The following ALDH1A1 variants were observed in gnomAD, a reference collection of about 807,000 sequenced individuals.
ALDH1A1 encodes the protein aldehyde dehydrogenase 1A1.
ALDH1A1 carries 19 observed loss-of-function variants against 62.1 expected under a neutral mutation model. The observed-to-expected ratio is 0.31, with a 90% confidence interval of 0.21 to 0.45. ALDH1A1 has a LOEUF of 0.45. ALDH1A1 is among the 20% of genes least tolerant of loss of function. The probability of loss-of-function intolerance (pLI) is 1.00; values close to 1 mark genes in which losing one functional copy is unlikely to be tolerated. For synonymous variants in ALDH1A1, 231 were observed against 215.9 expected, an observed-to-expected ratio of 1.07 and a Z score of -0.61; for missense variants, 521 against 607.1, an observed-to-expected ratio of 0.86 and a Z score of 1.49.
At chr9:72,915,069 A>G (rs1356383579) in intron 9 of ALDH1A1, among the ~76,000 whole-genome samples, 1 of 152,096 alleles carries the variant, frequency 6.6e-6, no homozygotes, top group African/African-American at 2.4e-5. Flanking sequence ...ATACCTACTT[A>G]TCCTACTGAC....
intron 1 of ALDH1A1, among the ~76,000 whole-genome samples, chr9:72,952,686 C>G (rs1019081925): frequency 2.2e-4 from 34 of 151,860 alleles, no homozygotes; most frequent in Admixed American, 1.4e-3. Flanking sequence ...GTATAAGAAT[C>G]CTTTCACACA....
chr9:72,929,798 T>C (rs1441283398), intron 3 of ALDH1A1, among the ~76,000 whole-genome samples: 1 of 152,208 alleles, frequency 6.6e-6, no homozygotes, highest in African/African-American at 2.4e-5. Flanking sequence ...TGTCAAAATT[T>C]AACCAAATGT....
At chr9:72,917,171 A>T in intron 8 of ALDH1A1, 67 bp from the exon 9 acceptor site, 2 of 1,212,300 alleles carry the variant, frequency 1.6e-6, no homozygotes, top group Non-Finnish European at 2.1e-6. Context: ...TGTTTCTCAG[A>T]GGCAACATGG....
At chr9:72,916,668 T>C (rs560590733) in intron 9 of ALDH1A1, among the ~76,000 whole-genome samples, 73 of 152,318 alleles carry the variant, frequency 4.8e-4, no homozygotes, top group African/African-American at 1.7e-3. Flanking sequence ...GAACATTTGT[T>C]ATTTTTCCTC....
chr9:72,937,918 G>A (rs1247464570), intron 2 of ALDH1A1, among the ~76,000 whole-genome samples: 2 of 152,092 alleles, frequency 1.3e-5, no homozygotes, highest in Admixed American at 6.5e-5. Flanking sequence ...TTCTCAAATT[G>A]TTAACCCCTA....
chr9:72,946,290 A>T (rs764373149), intron 1 of ALDH1A1, among the ~76,000 whole-genome samples: 1 of 152,008 alleles, frequency 6.6e-6, no homozygotes, highest in Non-Finnish European at 1.5e-5. Context: ...CATCTAAAAA[A>T]GTATCGATAG....
chr9:72,927,536 T>C (rs1830227294), intron 4 of ALDH1A1, among the ~76,000 whole-genome samples: 3 of 152,188 alleles, frequency 2.0e-5, no homozygotes, highest in Non-Finnish European at 2.9e-5. Flanking sequence ...GAGGCCTGAT[T>C]TGAAAATTAT....
intron 1 of ALDH1A1, among the ~76,000 whole-genome samples, chr9:72,944,463 C>A (rs73490319): frequency 0.023 from 3,493 of 152,152 alleles, 67 homozygotes; most frequent in South Asian, 0.064. Context: ...TTCATAGGGC[C>A]TACCTCAAAT....
intron 11 of ALDH1A1, among the ~76,000 whole-genome samples, chr9:72,908,302 G>C (rs1270798846): frequency 6.6e-6 from 1 of 151,204 alleles, no homozygotes; most frequent in Non-Finnish European, 1.5e-5. Flanking sequence ...GGGCTTGGTG[G>C]TACATGCCTG....
intron 3 of ALDH1A1, 58 bp from the exon 4 acceptor site, chr9:72,929,079 G>A (rs1478713294): frequency 5.8e-6 from 9 of 1,549,386 alleles, no homozygotes; most frequent in East Asian, 2.3e-5. Flanking sequence ...TTAAAAATAT[G>A]TAGTAAATAT....
Position 72,925,533 on chromosome 9 carries a change from G to C in ALDH1A1, c.584C>G (p.Ala195Gly). Reference sequence around the variant, plus strand: ...GAGAGCAGTGAGAGGAGTTTGCTCTGCTGGTTTGACAACCACTGTGTTTCC... The same window carrying C: ...GAGAGCAGTGAGAGGAGTTTGCTCTCCTGGTTTGACAACCACTGTGTTTCC... ...SCGNTVVVKP[A>G]EQTPLTALHV... The change falls in exon 6 of 13, where the codon GCA becomes GGA. Residue 195 changes from alanine (A) to glycine (G), a missense_variant. Transcript: ENST00000297785. The C allele has an allele frequency of 6.2e-7, 1 of 1,613,980 alleles. No homozygotes were observed. Among genetic ancestry groups the C allele is most frequent in the Non-Finnish European group, 8.5e-7 (1 of 1,179,882 alleles).
At chr9:72,905,097 G>C (rs1829861286) in intron 12 of ALDH1A1, among the ~76,000 whole-genome samples, 1 of 152,072 alleles carries the variant, frequency 6.6e-6, no homozygotes, top group Admixed American at 6.6e-5. Context: ...ATTGAGAAAG[G>C]CACATTTTCA....
At chr9:72,929,774 T>C (rs947357095) in intron 3 of ALDH1A1, among the ~76,000 whole-genome samples, 2 of 152,212 alleles carry the variant, frequency 1.3e-5, no homozygotes, top group South Asian at 2.1e-4. Context: ...GTTTCTGTAC[T>C]ACACTCTCTA....
intron 7 of ALDH1A1, among the ~76,000 whole-genome samples, chr9:72,923,013 G>C (rs191127603): frequency 6.6e-6 from 1 of 151,992 alleles, no homozygotes; most frequent in South Asian, 2.1e-4. Flanking sequence ...CTTTATTCTG[G>C]AGTAAATAAT....
At chr9:72,908,229 G>T (rs1386540640) in intron 11 of ALDH1A1, among the ~76,000 whole-genome samples, 1 of 151,674 alleles carries the variant, frequency 6.6e-6, no homozygotes, top group Non-Finnish European at 1.5e-5. Flanking sequence ...AGACCAGTCC[G>T]GCCAACATGG....
intron 4 of ALDH1A1, 82 bp from the exon 5 acceptor site, chr9:72,927,259 G>A (rs545569164): frequency 2.0e-6 from 2 of 998,476 alleles, no homozygotes; most frequent in Admixed American, 2.2e-5. Context: ...GTGAGAGAAA[G>A]GTGTAGACAA....
At chr9:72,922,345 G>C (rs1271888270) in intron 7 of ALDH1A1, among the ~76,000 whole-genome samples, 3 of 152,140 alleles carry the variant, frequency 2.0e-5, no homozygotes, top group African/African-American at 7.2e-5. Flanking sequence ...ATATTTTCTA[G>C]ACTTTTAATC....
At chr9:72,903,726 T>C (rs570235840) in intron 12 of ALDH1A1, among the ~76,000 whole-genome samples, 74 of 152,108 alleles carry the variant, frequency 4.9e-4, no homozygotes, top group Non-Finnish European at 8.5e-4. Flanking sequence ...CCTTCTCTTA[T>C]TTGATTTCTT....
chr9:72,909,901 A>G lies in ALDH1A1; in HGVS notation c.1201-142T>C, dbSNP rs1433654059. ...TCTCAAACCTATGTGTGAGAATCCAAATAGGTAACTGCAAAAATGGTAGGT... is the reference window on the plus strand; with the variant it reads ...TCTCAAACCTATGTGTGAGAATCCAGATAGGTAACTGCAAAAATGGTAGGT... On this transcript the variant is annotated intron_variant, in intron 10 of 12. Transcript: ENST00000297785. 5 of 629,536 alleles carry G rather than the reference A, an allele frequency of 7.9e-6. No individual in the cohort carries two copies. In the East Asian group the frequency reaches 9.2e-5, roughly 12 times the overall value. 39.0% of individuals were successfully genotyped at this position (629,536 alleles called of 1,614,324 possible).
Sources: gnomAD v4.1 joint callset for allele counts (sites outside exome capture counted in the v4.1 genomes callset) on GRCh38, gnomAD v4.1.1 for gene constraint, MANE v1.5 for transcripts, NCBI Gene and HGNC (gene_info 2026-07-23, HGNC 2026-07-21) for gene names.